The following DST variants were observed in gnomAD, a reference collection of about 807,000 sequenced individuals.
DST encodes the protein bullous pemphigoid antigen.
Under a neutral mutation model 875.2 loss-of-function variants are expected in DST, and 253 were observed. The ratio of observed to expected loss-of-function variants is 0.29; its 90% CI spans 0.26 to 0.32. The LOEUF (loss-of-function observed/expected upper bound fraction) is 0.32. DST is among the 10% of genes least tolerant of loss of function. DST has a pLI of 1.00. For synonymous variants in DST, 3,124 were observed against 3,197.1 expected (o/e 0.98, Z 0.77); for missense variants, 8,287 against 9,111.6 (o/e 0.91, Z 3.68).
intron 2 of DST, among the ~76,000 whole-genome samples, chr6:56,953,004 A>T (rs535951702): frequency 7.9e-5 from 12 of 152,244 alleles, no homozygotes; most frequent in Non-Finnish European, 1.5e-4. Context: ...AGATAACTTC[A>T]GGTAAATGGA....
At chr6:56,499,185 A>G (rs2096031149) in intron 80 of DST, among the ~76,000 whole-genome samples, 1 of 152,156 alleles carries the variant, frequency 6.6e-6, no homozygotes, top group Non-Finnish European at 1.5e-5. Context: ...ATAGTAAAGA[A>G]AAAGAACATT....
intron 103 of DST, 123 bp from the exon 104 acceptor site, chr6:56,459,390 A>G: frequency 1.0e-6 from 1 of 967,986 alleles, no homozygotes; most frequent in Non-Finnish European, 1.5e-6. Context: ...CACTCAGAAA[A>G]CAGTTGTGGA....
chr6:56,465,833 G>C (rs1179427246), intron 99 of DST, among the ~76,000 whole-genome samples: 1 of 138,840 alleles, frequency 7.2e-6, no homozygotes, highest in Non-Finnish European at 1.5e-5. Context: ...ATGGATTCTA[G>C]TATTTCCCGC....
At chr6:56,766,251 C>T (rs935034808) in intron 4 of DST, among the ~76,000 whole-genome samples, 2 of 152,198 alleles carry the variant, frequency 1.3e-5, no homozygotes, top group African/African-American at 2.4e-5. Context: ...CATGAGAACA[C>T]ATGAGTATAA....
intron 2 of DST, among the ~76,000 whole-genome samples, chr6:56,942,990 G>A (rs1390955687): frequency 6.6e-6 from 1 of 152,006 alleles, no homozygotes; most frequent in Non-Finnish European, 1.5e-5. Context: ...CAAAGTGCTG[G>A]GATTACAGGC....
At chr6:56,787,176 G>A (rs1027963161) in intron 4 of DST, among the ~76,000 whole-genome samples, 2 of 152,194 alleles carry the variant, frequency 1.3e-5, no homozygotes, top group Non-Finnish European at 2.9e-5. Flanking sequence ...GAACCACTGA[G>A]GGAATGGGAA....
At chr6:56,658,166 G>A (rs1192815521) in intron 10 of DST, among the ~76,000 whole-genome samples, 4 of 151,868 alleles carry the variant, frequency 2.6e-5, no homozygotes, top group Non-Finnish European at 5.9e-5. Context: ...GGGTTCAAGC[G>A]ATCCTCCTGC....
At chr6:56,808,156 T>C (rs1309188415) in intron 4 of DST, among the ~76,000 whole-genome samples, 1 of 152,046 alleles carries the variant, frequency 6.6e-6, no homozygotes, top group Non-Finnish European at 1.5e-5. Flanking sequence ...TATGACGTCA[T>C]CCAAGTAACA....
At chr6:56,820,931 A>C (rs1043934778) in intron 4 of DST, among the ~76,000 whole-genome samples, 10 of 152,212 alleles carry the variant, frequency 6.6e-5, no homozygotes, top group Non-Finnish European at 8.8e-5. Context: ...AAAGGACCAC[A>C]TACCTTTGCC....
At chr6:56,618,124 A>C in intron 36 of DST, 1 of 1,614,158 alleles carries the variant, frequency 6.2e-7, no homozygotes, top group Non-Finnish European at 8.5e-7. Context: ...TTGTCTCATC[A>C]AAAGTTATCT....
intron 3 of DST, among the ~76,000 whole-genome samples, chr6:56,878,770 A>T (rs921477678): frequency 1.3e-5 from 2 of 152,212 alleles, no homozygotes; most frequent in Non-Finnish European, 2.9e-5. Flanking sequence ...AGGAGAGAAG[A>T]GAGGGAAAAA....
chr6:56,685,481 T>C (rs145237829), intron 9 of DST, among the ~76,000 whole-genome samples: 82 of 152,202 alleles, frequency 5.4e-4, no homozygotes, highest in African/African-American at 1.9e-3. Context: ...GAATGGTCAT[T>C]ATTAAAAAGT....
At chr6:56,469,794 A>T in intron 97 of DST, 89 bp downstream of exon 97, 1 of 1,138,266 alleles carries the variant, frequency 8.8e-7, no homozygotes, top group Admixed American at 1.9e-5. Context: ...TAAATAAATA[A>T]GACTCCTGGA....
intron 96 of DST, 52 bp from the exon 97 acceptor site, chr6:56,470,009 C>T (rs2094802937): frequency 1.2e-6 from 2 of 1,604,888 alleles, no homozygotes; most frequent in Non-Finnish European, 1.7e-6. Context: ...TTACATAGTA[C>T]AATCCTTAAA....
At chr6:56,791,786 T>A (rs2099724733) in intron 4 of DST, among the ~76,000 whole-genome samples, 8 of 121,568 alleles carry the variant, frequency 6.6e-5, no homozygotes, top group Middle Eastern at 4.5e-3. Context: ...AGACCCTGTC[T>A]CAAAAAAAAA....
chr6:56,774,646 C>T (rs2099674352), intron 4 of DST, among the ~76,000 whole-genome samples: 2 of 152,276 alleles, frequency 1.3e-5, no homozygotes, highest in African/African-American at 2.4e-5. Context: ...ACCATAATTA[C>T]AGAATACCCT....
chr6:56,572,041 A>T, intron 53 of DST, 59 bp downstream of exon 53: 1 of 986,130 alleles, frequency 1.0e-6, no homozygotes, highest in Non-Finnish European at 1.4e-6. Context: ...AGTAAATACA[A>T]GTATCTCACT....
At chr6:56,674,731 A>G (rs572036795) in intron 9 of DST, among the ~76,000 whole-genome samples, 2 of 152,242 alleles carry the variant, frequency 1.3e-5, no homozygotes, top group Non-Finnish European at 2.9e-5. Context: ...AAAGACCTTT[A>G]TACTGAAAAC....
chr6:56,786,025 ACTCT>A (rs1192772624), intron 4 of DST: 4 of 152,172 alleles, frequency 2.6e-5, no homozygotes, highest in East Asian at 3.9e-4. Context: ...ATTATAGTTA[ACTCT>A]CTGAGGGCTC....
Sources: gnomAD v4.1 joint callset for allele counts (sites outside exome capture counted in the v4.1 genomes callset) on GRCh38, gnomAD v4.1.1 for gene constraint, MANE v1.5 for transcripts, NCBI Gene and HGNC (gene_info 2026-07-23, HGNC 2026-07-21) for gene names.